The following RALGPS1 variants were observed in gnomAD, a reference collection of about 807,000 sequenced individuals.
RALGPS1 encodes Ral GEF with PH domain and SH3 binding motif 1, also known as ras-specific guanine nucleotide-releasing factor RalGPS1.
Under a neutral mutation model 78.8 loss-of-function variants are expected in RALGPS1, and 19 were observed. That is an observed-to-expected ratio of 0.24 (90% CI 0.17 to 0.35). The LOEUF (loss-of-function observed/expected upper bound fraction) is 0.35. Ranked by LOEUF, RALGPS1 falls within the 10% of genes least tolerant of loss-of-function variation. The pLI is 1.00. For synonymous variants in RALGPS1, 228 were observed against 256.3 expected (o/e 0.89, Z 1.06); for missense variants, 454 against 688.3 (o/e 0.66, Z 3.81).
intron 4 of RALGPS1, among the ~76,000 whole-genome samples, chr9:127,017,684 AGC>A (rs2044989653): frequency 6.6e-6 from 1 of 152,224 alleles, no homozygotes; most frequent in African/African-American, 2.4e-5. Flanking sequence ...CACATTGTTC[AGC>A]TGTACAAAAA....
chr9:126,948,911 A>G (rs1296784194), intron 1 of RALGPS1, among the ~76,000 whole-genome samples: 2 of 151,594 alleles, frequency 1.3e-5, no homozygotes, highest in African/African-American at 4.9e-5. Flanking sequence ...GGTGTGCTGC[A>G]CCCATTAACT....
At chr9:127,056,081 G>C (rs187436260) in intron 7 of RALGPS1, among the ~76,000 whole-genome samples, 1 of 152,358 alleles carries the variant, frequency 6.6e-6, no homozygotes, top group African/African-American at 2.4e-5. Context: ...CATGGCTTCT[G>C]TTGCTCCTCT....
At chr9:127,113,512 A>AC (rs1294575791) in intron 8 of RALGPS1, among the ~76,000 whole-genome samples, 1 of 51,608 alleles carries the variant, frequency 1.9e-5, no homozygotes, top group African/African-American at 7.1e-5. Flanking sequence ...CCCCACCCCC[A>AC]CCCCGGCATT....
At chr9:127,214,967 C>G (rs2062491654) in intron 18 of RALGPS1, 125 bp downstream of exon 18, 9 of 1,465,170 alleles carry the variant, frequency 6.1e-6, no homozygotes, top group Non-Finnish European at 8.2e-6. Flanking sequence ...CAGATACCCT[C>G]TTCTGATCAG....
intron 11 of RALGPS1, among the ~76,000 whole-genome samples, chr9:127,180,382 C>G (rs970979025): frequency 6.6e-6 from 1 of 152,226 alleles, no homozygotes; most frequent in African/African-American, 2.4e-5. Context: ...GACACACCTG[C>G]GTGTCTCCCT....
chr9:127,189,454 G>A (rs895529702), intron 11 of RALGPS1, among the ~76,000 whole-genome samples: 1 of 152,200 alleles, frequency 6.6e-6, no homozygotes, highest in Non-Finnish European at 1.5e-5. Context: ...ACAAGGCCTA[G>A]ACTTGAACCT....
At chr9:127,049,462 C>T (rs2048107256) in intron 5 of RALGPS1, among the ~76,000 whole-genome samples, 1 of 152,168 alleles carries the variant, frequency 6.6e-6, no homozygotes, top group South Asian at 2.1e-4. Context: ...CTGTAACATG[C>T]ATTGCTTTAT....
At chr9:126,916,146 G>A (rs1216745833) in intron 1 of RALGPS1, among the ~76,000 whole-genome samples, 1 of 152,184 alleles carries the variant, frequency 6.6e-6, no homozygotes, top group African/African-American at 2.4e-5. Flanking sequence ...TTGTGCCGAT[G>A]GGCAGGTTGG....
intron 8 of RALGPS1, among the ~76,000 whole-genome samples, chr9:127,118,834 G>A (rs2055732206): frequency 1.3e-5 from 2 of 152,244 alleles, no homozygotes; most frequent in Admixed American, 6.5e-5. Flanking sequence ...GTTGCTGAAT[G>A]TACCTGCTTT....
chr9:126,983,818 A>G (rs2041547736), intron 4 of RALGPS1, among the ~76,000 whole-genome samples: 1 of 151,810 alleles, frequency 6.6e-6, no homozygotes, highest in African/African-American at 2.4e-5. Flanking sequence ...TTTTGTTTCA[A>G]CTAGAAGTTA....
Position 126,962,173 on chromosome 9 carries a change from G to C in RALGPS1, c.-65-52G>C. 4.2e-6 allele frequency: 4 copies of C among 954,690 alleles called. No individual in the cohort carries two copies. The South Asian group carries it at 4.5e-5, about 11-fold the overall frequency. The allele number at this position is 954,690 out of a possible 1,614,324, so 59.1% of individuals were successfully genotyped here. A position where few individuals can be genotyped will look rare whatever the true frequency, so the allele number is the denominator to read the frequency against. ...TCTGGTACAACTTTTGCCTGGGGGT[G>C]GGGATAAATTTGTTTTGAAGACTGA... On this transcript the variant is annotated intron_variant, in intron 1 of 18. Transcript: ENST00000259351.
chr9:127,081,269 T>C (rs991376754), intron 8 of RALGPS1, among the ~76,000 whole-genome samples: 2 of 152,220 alleles, frequency 1.3e-5, no homozygotes, highest in African/African-American at 4.8e-5. Context: ...ACCAATTCTC[T>C]TGGGCTCTAA....
At chr9:127,208,281 C>T (rs111294907) in intron 14 of RALGPS1, among the ~76,000 whole-genome samples, 3 of 152,230 alleles carry the variant, frequency 2.0e-5, no homozygotes, top group Admixed American at 1.3e-4. Context: ...TCCCAGGCAG[C>T]GTGAGTGCAG....
At position 126,994,364 on chromosome 9, in the gene RALGPS1, C is replaced by T. The variant is rs569640173; in HGVS notation, c.216+16619C>T. On this transcript the variant is annotated intron_variant, in intron 4 of 18. Transcript: ENST00000259351. ...CCTGATGGAGCTGAAAACCAAGGCA[C>T]GAGAGCTACGTGATGAATGCAGAAG... Among the ~76,000 whole-genome samples, 662 of 152,232 alleles carry T rather than the reference C, an allele frequency of 4.3e-3. 3 individuals carry two copies. Among genetic ancestry groups the T allele is most frequent in the African/African-American group, 0.015 (624 of 41,550 alleles).
intron 1 of RALGPS1, among the ~76,000 whole-genome samples, chr9:126,930,176 T>G (rs1477402343): frequency 7.8e-6 from 1 of 128,456 alleles, no homozygotes; most frequent in East Asian, 2.0e-4. Flanking sequence ...TTATTTTAGT[T>G]TTTTTTTTTT....
At chr9:127,106,616 G>A (rs1174999412) in intron 8 of RALGPS1, among the ~76,000 whole-genome samples, 1 of 152,192 alleles carries the variant, frequency 6.6e-6, no homozygotes, top group East Asian at 1.9e-4. Context: ...TTAAATCCAA[G>A]CCAGCCTACT....
chr9:127,209,930 T>TGTGGTCAGA, intron 14 of RALGPS1, among the ~76,000 whole-genome samples: 1 of 152,186 alleles, frequency 6.6e-6, no homozygotes, highest in East Asian at 1.9e-4. Context: ...CAAGAAGAGC[T>TGTGGTCAGA]GTGGTCAGAG....
chr9:127,028,686 A>G (rs2046165435), intron 4 of RALGPS1, among the ~76,000 whole-genome samples: 1 of 152,184 alleles, frequency 6.6e-6, no homozygotes, highest in Non-Finnish European at 1.5e-5. Context: ...ATTTAATTTA[A>G]TGAGCACGTT....
At chr9:126,985,466 A>G (rs372804883) in intron 4 of RALGPS1, among the ~76,000 whole-genome samples, 1 of 152,196 alleles carries the variant, frequency 6.6e-6, no homozygotes, top group East Asian at 1.9e-4. Flanking sequence ...GATCTTTCCA[A>G]TTCAAATATA....
Sources: gnomAD v4.1 joint callset for allele counts (sites outside exome capture counted in the v4.1 genomes callset) on GRCh38, gnomAD v4.1.1 for gene constraint, MANE v1.5 for transcripts, NCBI Gene and HGNC (gene_info 2026-07-23, HGNC 2026-07-21) for gene names.